IL17REL: variants seen among roughly 807,000 people sequenced by gnomAD.
IL17REL encodes interleukin-17 receptor E-like protein.
IL17REL carries 36 observed loss-of-function variants against 49.0 expected under a neutral mutation model. That is an observed-to-expected ratio of 0.73 (90% CI 0.56 to 0.97). The LOEUF (loss-of-function observed/expected upper bound fraction) is 0.97, where lower values mean the gene tolerates loss of function less well. IL17REL is among the 50% of genes least tolerant of loss of function. The probability of loss-of-function intolerance (pLI) is 0.00; values close to 1 mark genes in which losing one functional copy is unlikely to be tolerated. For synonymous variants in IL17REL, 206 were observed against 192.4 expected (o/e 1.07, Z -0.58); for missense variants, 470 against 453.9 (o/e 1.04, Z -0.32).
At chr22:49,992,226 T>C (rs1225548626), downstream of IL17REL, among the ~76,000 whole-genome samples, 2 of 152,188 alleles carry the variant, frequency 1.3e-5, no homozygotes, top group Non-Finnish European at 2.9e-5. Flanking sequence ...GTCACTTTTA[T>C]TCACACTTGC....
Position 49,997,743 on chromosome 22 carries a change from C to T in IL17REL, c.820-1G>A. On this transcript the variant is annotated splice_acceptor_variant, in intron 9 of 12. Coordinates refer to ENST00000341280, the Ensembl canonical transcript of IL17REL. LOFTEE classifies it high-confidence loss of function. ...CCCAGGACCCCCAACTGGTAGAGAA[C>T]TGCAAAGTGGGGTGAGGGGTGCAGG... 1 of 1,613,906 alleles carries T rather than the reference C, an allele frequency of 6.2e-7. No individual in the cohort carries two copies. The highest frequency in any genetic ancestry group is 8.5e-7 in the Non-Finnish European group (1 of 1,179,986).
chr22:49,996,158 C>A (rs2061033016), exon 13 of IL17REL: 1 of 152,304 alleles, frequency 6.6e-6, no homozygotes, highest in Non-Finnish European at 1.5e-5. Flanking sequence ...ATTCCAGAGA[C>A]CCCTGCCTGG....
Position 49,998,352 on chromosome 22 carries a change from C to T in IL17REL, c.602-43G>A, listed in dbSNP as rs539433613. On this transcript the variant is annotated intron_variant, in intron 7 of 12. Coordinates refer to ENST00000341280, the Ensembl canonical transcript of IL17REL. Reference sequence around the variant, plus strand: ...GAAACACAGGTCAGTTGGGCCCTACCCTGGCTGCCAGGCCCATGGGGTCTA... The same window carrying T: ...GAAACACAGGTCAGTTGGGCCCTACTCTGGCTGCCAGGCCCATGGGGTCTA... 1.9e-6 allele frequency: 3 copies of T among 1,552,170 alleles called. No homozygotes were observed. In the South Asian group the frequency reaches 3.7e-5, roughly 19 times the overall value.
At chr22:50,000,150 G>A (rs2061069304) in intron 4 of IL17REL, among the ~76,000 whole-genome samples, 46 bp downstream of exon 6, 1 of 152,326 alleles carries the variant, frequency 6.6e-6, no homozygotes, top group African/African-American at 2.4e-5. Flanking sequence ...GAAGCCTGTC[G>A]CAGCGTCTGA....
At chr22:49,997,338 G>T (rs1237501774) in exon 11 of IL17REL, 1 of 1,613,686 alleles carries the variant, frequency 6.2e-7, no homozygotes, top group Non-Finnish European at 8.5e-7. Flanking sequence ...AAGGGAGCGG[G>T]CTGGCCTGGA....
At chr22:49,998,547 A>G (rs1029404912) in intron 7 of IL17REL, among the ~76,000 whole-genome samples, 1 of 140,676 alleles carries the variant, frequency 7.1e-6, no homozygotes, top group African/African-American at 2.7e-5. Context: ...TGTCATGGGT[A>G]TGGGTGTGCG....
At chr22:50,000,019 G>A (rs1601887582) in intron 4 of IL17REL, 52 bp from the exon 7 acceptor site, 1 of 1,425,094 alleles carries the variant, frequency 7.0e-7, no homozygotes, top group South Asian at 1.5e-5. Flanking sequence ...TCACCGACGC[G>A]GGGCTCTGTC....
exon 9 of IL17REL, chr22:49,998,049 G>A: frequency 2.5e-6 from 4 of 1,593,806 alleles, no homozygotes; most frequent in Admixed American, 1.9e-5. Flanking sequence ...GGGGCTGGGT[G>A]TCCACCAGCG....
upstream of IL17REL, among the ~76,000 whole-genome samples, chr22:50,011,034 C>A (rs1384837395): frequency 6.6e-6 from 1 of 151,364 alleles, no homozygotes; most frequent in Non-Finnish European, 1.5e-5. Context: ...GTAGCCCCAG[C>A]CTCCCCTCCC....
chr22:50,007,940 C>T (rs1447325256), intron 1 of IL17REL, among the ~76,000 whole-genome samples: 3 of 151,268 alleles, frequency 2.0e-5, no homozygotes, highest in South Asian at 2.1e-4. Context: ...TATTTGGCTA[C>T]ACAAATGTCT....
intron 1 of IL17REL, among the ~76,000 whole-genome samples, chr22:50,005,157 C>T (rs986973347): frequency 6.6e-6 from 1 of 151,934 alleles, no homozygotes; most frequent in African/African-American, 2.4e-5. Context: ...GAAGAGGAGG[C>T]TGTGTAGAAG....
intron 1 of IL17REL, among the ~76,000 whole-genome samples, chr22:50,002,785 A>G (rs1214008190): frequency 6.6e-6 from 1 of 152,048 alleles, no homozygotes; most frequent in South Asian, 2.1e-4. Context: ...GTGAGCCACC[A>G]CGCCCAGCCA....
intron 1 of IL17REL, among the ~76,000 whole-genome samples, chr22:50,002,733 G>T (rs1053653032): frequency 6.6e-6 from 1 of 152,018 alleles, no homozygotes; most frequent in South Asian, 2.1e-4. Flanking sequence ...GATCTCAGGT[G>T]ATCCGCCCAC....
chr22:49,994,669 G>A (rs2061023858), exon 13 of IL17REL: 1 of 152,438 alleles, frequency 6.6e-6, no homozygotes, highest in African/African-American at 2.4e-5. Flanking sequence ...GGCAGCCTGG[G>A]CCCAGACTGC....
exon 2 of IL17REL, chr22:50,001,188 C>T (rs1194589967): frequency 1.3e-6 from 2 of 1,593,678 alleles, no homozygotes; most frequent in Admixed American, 1.7e-5. Context: ...CTGACCTGGA[C>T]ATGGACACGG....
chr22:50,010,910 G>A (rs2061137069), upstream of IL17REL, among the ~76,000 whole-genome samples: 1 of 151,848 alleles, frequency 6.6e-6, no homozygotes, highest in South Asian at 2.1e-4. Context: ...GGCGTCGGGG[G>A]GTGTGCAGGG....
At position 49,997,089 on chromosome 22, in the gene IL17REL, G is replaced by A. The variant is rs1569207796; in HGVS notation, c.975-15C>T. The A allele has an allele frequency of 5.1e-6, 8 of 1,572,222 alleles. No individual in the cohort carries two copies. Among genetic ancestry groups the A allele is most frequent in the Non-Finnish European group, 6.9e-6 (8 of 1,162,758 alleles). Reference sequence around the variant, plus strand: ...GCCAGGTCACCCTGGGTGGGGGAGGGCAGGTCACAGGCAATGGGAGGAAGG... The same window carrying A: ...GCCAGGTCACCCTGGGTGGGGGAGGACAGGTCACAGGCAATGGGAGGAAGG... On this transcript the variant is annotated splice_polypyrimidine_tract_variant and intron_variant, in intron 11 of 12. Transcript: ENST00000341280.
At chr22:49,998,299 T>G (rs768288876) in exon 8 of IL17REL, 1 of 1,603,946 alleles carries the variant, frequency 6.2e-7, no homozygotes, top group South Asian at 1.1e-5. Flanking sequence ...GCACCTCCAG[T>G]GCCTCAGTGT....
At chr22:49,999,929 C>T in exon 5 of IL17REL, 1 of 1,531,792 alleles carries the variant, frequency 6.5e-7, no homozygotes, top group Non-Finnish European at 8.8e-7. Context: ...ACCAGAATCG[C>T]CTTGCGCCTC....
Sources: gnomAD v4.1 joint callset for allele counts (sites outside exome capture counted in the v4.1 genomes callset) on GRCh38, gnomAD v4.1.1 for gene constraint, MANE v1.5 for transcripts, NCBI Gene and HGNC (gene_info 2026-07-23, HGNC 2026-07-21) for gene names.